Variants in CDC42BPA observed in about 807,000 individuals in gnomAD.
CDC42BPA encodes the protein CDC42 binding protein kinase alpha, also known as serine/threonine-protein kinase MRCK alpha.
CDC42BPA carries 80 observed loss-of-function variants against 223.5 expected under a neutral mutation model. The observed-to-expected ratio is 0.36, with a 90% CI of 0.30 to 0.43. The LOEUF (loss-of-function observed/expected upper bound fraction) is 0.43. Ranked by LOEUF, CDC42BPA falls within the 20% of genes least tolerant of loss-of-function variation. CDC42BPA has a pLI of 1.00. For synonymous variants in CDC42BPA, 694 were observed against 718.6 expected, an observed-to-expected ratio of 0.97 and a Z score of 0.55; for missense variants, 1,743 against 2,099.9, an observed-to-expected ratio of 0.83 and a Z score of 3.32.
At chr1:227,216,073 A>C (rs1344916603) in intron 2 of CDC42BPA, among the ~76,000 whole-genome samples, 3 of 152,214 alleles carry the variant, frequency 2.0e-5, no homozygotes, top group Non-Finnish European at 4.4e-5. Context: ...GTATAATGTT[A>C]AACAAATAAG....
At chr1:227,173,938 T>C (rs984436063) in intron 5 of CDC42BPA, among the ~76,000 whole-genome samples, 9 of 152,146 alleles carry the variant, frequency 5.9e-5, no homozygotes, top group African/African-American at 2.2e-4. Context: ...AACTGGAAGG[T>C]TTCCTCTAAA....
chr1:227,287,712 G>A (rs1689034456), intron 1 of CDC42BPA, among the ~76,000 whole-genome samples: 1 of 152,106 alleles, frequency 6.6e-6, no homozygotes, highest in Non-Finnish European at 1.5e-5. Flanking sequence ...GTTTTTAATT[G>A]ACAAATAATT....
intron 16 of CDC42BPA, among the ~76,000 whole-genome samples, chr1:227,086,808 C>G (rs1429563235): frequency 6.6e-6 from 1 of 151,666 alleles, no homozygotes; most frequent in Non-Finnish European, 1.5e-5. Flanking sequence ...ACTGGGACTA[C>G]AGGCATGCAC....
intron 1 of CDC42BPA, among the ~76,000 whole-genome samples, chr1:227,297,967 T>TATACACACACACAC (rs369403944): frequency 1.9e-4 from 25 of 132,074 alleles, no homozygotes; most frequent in African/African-American, 6.1e-4. Flanking sequence ...TATATACATA[T>TATACACACACACAC]ACACACACAC....
chr1:227,139,205 T>A (rs570406939), intron 10 of CDC42BPA, among the ~76,000 whole-genome samples: 2 of 152,244 alleles, frequency 1.3e-5, no homozygotes, highest in Admixed American at 1.3e-4. Context: ...GCAGAAGCAA[T>A]GCTGCAGAGA....
At chr1:227,283,809 G>A (rs1005961957) in intron 1 of CDC42BPA, among the ~76,000 whole-genome samples, 3 of 152,154 alleles carry the variant, frequency 2.0e-5, no homozygotes, top group African/African-American at 4.8e-5. Flanking sequence ...GGTGGCTCAC[G>A]CCTGTAATCT....
In CDC42BPA at chr1:226,994,427, G is replaced by A; in HGVS notation, c.5134-28C>T. ...GTAAGGCCCAAAGTAAAACATTAAT[G>A]AGAAGGAGGGGGAGAAAGGGAGGCA... On this transcript the variant is annotated intron_variant, in intron 36 of 36. Coordinates refer to ENST00000366766, the MANE Select transcript of CDC42BPA (RefSeq NM_001394014.1). The surrounding 1 kb of genome is among the most constrained non-coding windows in gnomAD (Gnocchi z 4.0). 1.4e-6 allele frequency: 2 copies of A among 1,473,166 alleles called. No homozygotes were observed. Among genetic ancestry groups the A allele is most frequent in the Non-Finnish European group, 1.8e-6 (2 of 1,106,812 alleles). The allele number at this position is 1,473,166 out of a possible 1,614,324, so 91.3% of individuals were successfully genotyped here.
intron 1 of CDC42BPA, among the ~76,000 whole-genome samples, chr1:227,254,888 A>G (rs768943848): frequency 2.0e-5 from 3 of 152,180 alleles, no homozygotes; most frequent in Non-Finnish European, 4.4e-5. Context: ...GGGTTTGACA[A>G]TGTAGATATT....
chr1:227,283,351 C>G (rs528581380), intron 1 of CDC42BPA, among the ~76,000 whole-genome samples: 1 of 151,738 alleles, frequency 6.6e-6, no homozygotes, highest in South Asian at 2.1e-4. Context: ...AAGTATTGAC[C>G]CACCAAAAAA....
chr1:227,288,766 G>A (rs4255349), intron 1 of CDC42BPA, among the ~76,000 whole-genome samples: 14,199 of 151,834 alleles, frequency 0.094, 838 homozygotes, highest in Middle Eastern at 0.17. Flanking sequence ...AGGCTGAGGC[G>A]GGCAGATCAC....
chr1:227,099,992 T>C (rs1684709542), intron 15 of CDC42BPA, among the ~76,000 whole-genome samples: 2 of 152,186 alleles, frequency 1.3e-5, no homozygotes, highest in African/African-American at 4.8e-5. Flanking sequence ...GCGTCAGATA[T>C]GGTAGGTTAA....
chr1:226,992,408 T>C lies in CDC42BPA; in HGVS notation c.*1860A>G, dbSNP rs1034886893. On this transcript the variant is annotated 3_prime_UTR_variant, in exon 37 of 37. Transcript: ENST00000366766. ...CCGATTATAGGTGCTTACAATGGAA[T>C]CCCCAGCAGGATCCTTTCTTCCCTC... The C allele has an allele frequency of 3.9e-5, 6 of 152,234 alleles. No homozygotes were observed. Among genetic ancestry groups the C allele is most frequent in the African/African-American group, 1.2e-4 (5 of 41,454 alleles). 9.4% of individuals were successfully genotyped at this position (152,234 alleles called of 1,614,324 possible).
intron 24 of CDC42BPA, among the ~76,000 whole-genome samples, chr1:227,037,311 T>C (rs1670467759): frequency 6.6e-6 from 1 of 152,218 alleles, no homozygotes; most frequent in South Asian, 2.1e-4. Context: ...CCCTTAACTA[T>C]GTAAGAGACT....
intron 2 of CDC42BPA, among the ~76,000 whole-genome samples, chr1:227,253,454 G>A (rs1232923803): frequency 6.6e-6 from 1 of 152,086 alleles, no homozygotes; most frequent in Non-Finnish European, 1.5e-5. Context: ...AAATTAGCTG[G>A]GCCTGATGGC....
chr1:227,293,022 A>T (rs56389454), intron 1 of CDC42BPA, among the ~76,000 whole-genome samples: 8,567 of 152,226 alleles, frequency 0.056, 795 homozygotes, highest in African/African-American at 0.19. Flanking sequence ...TTATTTCTTC[A>T]TCATAGCTAC....
chr1:227,248,732 C>T (rs1681440537), intron 2 of CDC42BPA, among the ~76,000 whole-genome samples: 1 of 152,024 alleles, frequency 6.6e-6, no homozygotes, highest in Non-Finnish European at 1.5e-5. Context: ...GGTATGCACA[C>T]ACACACACAT....
intron 7 of CDC42BPA, among the ~76,000 whole-genome samples, chr1:227,146,632 G>A (rs1282244719): frequency 6.6e-6 from 1 of 152,030 alleles, no homozygotes; most frequent in Non-Finnish European, 1.5e-5. Flanking sequence ...ATTATGAACA[G>A]TCTATTTCAC....
intron 1 of CDC42BPA, among the ~76,000 whole-genome samples, chr1:227,267,012 A>T (rs1685115208): frequency 6.6e-6 from 1 of 152,202 alleles, no homozygotes; most frequent in African/African-American, 2.4e-5. Context: ...ATTGGTTTAA[A>T]GTTGTTGGGG....
At chr1:227,310,864 TG>T (rs1309654582) in intron 1 of CDC42BPA, among the ~76,000 whole-genome samples, 3 of 148,708 alleles carry the variant, frequency 2.0e-5, no homozygotes, top group African/African-American at 7.4e-5. Flanking sequence ...TTTTTTTTTT[TG>T]AATTTTTAGT....
Sources: gnomAD v4.1 joint callset for allele counts (sites outside exome capture counted in the v4.1 genomes callset) on GRCh38, gnomAD v4.1.1 for gene constraint, Gnocchi (gnomAD v3.1) non-coding constraint, MANE v1.5 for transcripts, NCBI Gene and HGNC (gene_info 2026-07-23, HGNC 2026-07-21) for gene names.